BCKDHA: variants seen among roughly 807,000 people sequenced by gnomAD.
BCKDHA encodes the protein 2-oxoisovalerate dehydrogenase subunit alpha, mitochondrial.
A neutral mutation model predicts 52.2 loss-of-function variants in BCKDHA; 43 were observed. That is an observed-to-expected ratio of 0.82 (90% CI 0.64 to 1.06). The LOEUF is 1.06. Ranked by LOEUF, BCKDHA falls within the 50% of genes least tolerant of loss-of-function variation. The pLI, the probability that BCKDHA is intolerant of heterozygous loss-of-function variation, is 0.00. For missense variants in BCKDHA, 527 were observed against 621.3 expected, an observed-to-expected ratio of 0.85 and a Z score of 1.61; for synonymous variants, 234 against 247.9, an observed-to-expected ratio of 0.94 and a Z score of 0.53.
intron 1 of BCKDHA, among the ~76,000 whole-genome samples, chr19:41,407,010 G>A (rs2039200633): frequency 6.6e-6 from 1 of 152,136 alleles, no homozygotes; most frequent in African/African-American, 2.4e-5. Flanking sequence ...TTACAGGCAT[G>A]AGCCGCTGCA....
intron 1 of BCKDHA, among the ~76,000 whole-genome samples, chr19:41,404,586 G>C (rs946763124): frequency 1.3e-5 from 2 of 150,414 alleles, no homozygotes; most frequent in South Asian, 4.2e-4. Flanking sequence ...ACCACGCCCA[G>C]CCTAATTTTA....
Position 41,424,709 on chromosome 19 carries a change from G to A in BCKDHA, c.*101G>A. ...TGACAGCACACCACTGTCTTCCCCA[G>A]TCAGCTCCCTCTAAAATACTCAGCG... On this transcript the variant is annotated 3_prime_UTR_variant, in exon 9 of 9. Transcript: ENST00000269980. The A allele has an allele frequency of 1.5e-6, 2 of 1,339,318 alleles. No homozygotes were observed. The highest frequency in any genetic ancestry group is 2.8e-5 in the South Asian group (2 of 70,258). 83.0% of individuals were successfully genotyped at this position (1,339,318 alleles called of 1,614,324 possible).
At chr19:41,409,044 G>GTTC (rs1181719721) in intron 1 of BCKDHA, among the ~76,000 whole-genome samples, 2 of 152,148 alleles carry the variant, frequency 1.3e-5, no homozygotes, top group East Asian at 3.9e-4. Context: ...CCGCTTCCCG[G>GTTC]ATTCAAGTGA....
Position 41,410,644 on chromosome 19 carries a change from C to A in BCKDHA, c.116C>A (p.Pro39His), listed in dbSNP as rs11549936. Residue 39 changes from proline (P) to histidine (H), a missense_variant, in exon 2 of 9, where the codon CCC (proline) becomes CAC (histidine). Coordinates refer to ENST00000269980, the MANE Select transcript of BCKDHA (RefSeq NM_000709.4). ...CTCTGCTCTCTTCCCCAGCACCCCCCCAGGCAGCAGCAGCAGTTTTCATCT... is the reference window on the plus strand; with the variant it reads ...CTCTGCTCTCTTCCCCAGCACCCCCACAGGCAGCAGCAGCAGTTTTCATCT... ...GARGLARSHP[P>H]RQQQQFSSLD... 0.12 allele frequency: 196,788 copies of A among 1,614,072 alleles called. 13,304 individuals are homozygous for A. The highest frequency in any genetic ancestry group is 0.14 in the Non-Finnish European group (163,462 of 1,179,978).
intron 4 of BCKDHA, among the ~76,000 whole-genome samples, chr19:41,415,047 G>C (rs981560497): frequency 9.2e-5 from 14 of 152,278 alleles, no homozygotes; most frequent in African/African-American, 3.1e-4. Flanking sequence ...CATGATCGGG[G>C]ACTCGCCCTG....
chr19:41,424,531 C>T lies in BCKDHA; in HGVS notation c.1261C>T (p.Arg421Cys), dbSNP rs757725146. 4.9e-5 allele frequency: 79 copies of T among 1,614,036 alleles called. No homozygotes were observed. Among genetic ancestry groups the T allele is most frequent in the African/African-American group, 1.7e-4 (13 of 74,922 alleles). The change falls in exon 9 of 9, where the codon CGC becomes TGC. Residue 421 changes from arginine (R) to cysteine (C), a missense_variant. Physicochemically the swap from Arg to Cys is radical, Grantham distance 180. Transcript: ENST00000269980. ...GTATCAGGAGATGCCCGCCCAGCTC[C>T]GCAAGCAGCAGGAGTCTCTGGCCCG... The part of the protein sequence containing the change: ...DVYQEMPAQL[R>C]KQQESLARHL...
chr19:41,406,684 C>G (rs2039196858), intron 1 of BCKDHA, among the ~76,000 whole-genome samples: 1 of 152,150 alleles, frequency 6.6e-6, no homozygotes, highest in African/African-American at 2.4e-5. Context: ...ATTCTCCTGC[C>G]TCAGCCTCCC....
chr19:41,423,928 ACTTGCAGTGAT>A (rs1449168346), intron 8 of BCKDHA, among the ~76,000 whole-genome samples: 2 of 151,456 alleles, frequency 1.3e-5, no homozygotes, highest in Non-Finnish European at 3.0e-5. Flanking sequence ...GGGAGGTGGA[ACTTGCAGTGAT>A]TGGAGATGGC....
At position 41,422,197 on chromosome 19, in the gene BCKDHA, A is replaced by G. The variant is rs914547611; in HGVS notation, c.680A>G (p.Asn227Ser). ...GCGGCGTACGCAGCCAAGCGGGCCAATGCCAACAGGGTCGTCATCTGTTAC... is the reference window on the plus strand; with the variant it reads ...GCGGCGTACGCAGCCAAGCGGGCCAGTGCCAACAGGGTCGTCATCTGTTAC... ...VGAAYAAKRA[N>S]ANRVVICYFG... The change falls in exon 6 of 9, where the codon AAT (asparagine) becomes AGT (serine). Residue 227 changes from asparagine (N) to serine (S), a missense_variant. Physicochemically the swap from Asn to Ser is conservative, Grantham distance 46. Transcript: ENST00000269980. The G allele has an allele frequency of 3.7e-6, 6 of 1,613,960 alleles. No individual in the cohort carries two copies. The Admixed American group carries it at 5.0e-5, about 13-fold the overall frequency.
intron 4 of BCKDHA, among the ~76,000 whole-genome samples, chr19:41,417,043 A>G (rs2039313854): frequency 6.6e-6 from 1 of 151,934 alleles, no homozygotes. Context: ...ACGGGGTCTT[A>G]CTCTGTCACC....
At chr19:41,402,757 C>T (rs2039151040) in intron 1 of BCKDHA, among the ~76,000 whole-genome samples, 1 of 152,164 alleles carries the variant, frequency 6.6e-6, no homozygotes, top group African/African-American at 2.4e-5. Context: ...TGTCCTGCCT[C>T]CCCCTCTCGA....
At chr19:41,418,501 G>A (rs2039329811) in intron 4 of BCKDHA, among the ~76,000 whole-genome samples, 1 of 151,746 alleles carries the variant, frequency 6.6e-6, no homozygotes, top group African/African-American at 2.4e-5. Flanking sequence ...TTGTAAATTA[G>A]TGGTCTATGC....
chr19:41,406,531 A>G (rs917817731), intron 1 of BCKDHA, among the ~76,000 whole-genome samples: 10 of 150,364 alleles, frequency 6.7e-5, no homozygotes, highest in African/African-American at 9.8e-5. Flanking sequence ...CCGCAACTCC[A>G]GTATCTGGAC....
chr19:41,406,782 C>T (rs2039197948), intron 1 of BCKDHA, among the ~76,000 whole-genome samples: 1 of 152,160 alleles, frequency 6.6e-6, no homozygotes. Flanking sequence ...GTTGGCCAGG[C>T]TGGTCTTGAA....
intron 4 of BCKDHA, among the ~76,000 whole-genome samples, chr19:41,416,358 C>A (rs2039308083): frequency 2.6e-5 from 4 of 152,204 alleles, no homozygotes; most frequent in Admixed American, 6.5e-5. Flanking sequence ...GTGGTGTTGC[C>A]TCATTGAGGC....
At chr19:41,417,118 C>T (rs530434489) in intron 4 of BCKDHA, among the ~76,000 whole-genome samples, 22 of 152,104 alleles carry the variant, frequency 1.4e-4, no homozygotes, top group Non-Finnish European at 2.1e-4. Flanking sequence ...ATCAAGTGAT[C>T]CTCCCACCTC....
At chr19:41,406,187 G>C (rs2241710) in intron 1 of BCKDHA, among the ~76,000 whole-genome samples, 99,950 of 151,984 alleles carry the variant, frequency 0.66, 33,965 homozygotes, top group African/African-American at 0.83. Flanking sequence ...AGACCCAGCT[G>C]CAGTATGTGG....
At chr19:41,404,082 C>T (rs1288428321) in intron 1 of BCKDHA, among the ~76,000 whole-genome samples, 2 of 152,014 alleles carry the variant, frequency 1.3e-5, no homozygotes, top group South Asian at 2.1e-4. Flanking sequence ...TCGGCTCAAG[C>T]GATTCTCGTG....
intron 3 of BCKDHA, among the ~76,000 whole-genome samples, chr19:41,412,149 G>A (rs4803464): frequency 0.26 from 39,147 of 151,844 alleles, 6,428 homozygotes; most frequent in Non-Finnish European, 0.36. Flanking sequence ...GCTTGTCAGA[G>A]CCCTGCTTGG....
Sources: gnomAD v4.1 joint callset for allele counts (sites outside exome capture counted in the v4.1 genomes callset) on GRCh38, gnomAD v4.1.1 for gene constraint, MANE v1.5 for transcripts, NCBI Gene and HGNC (gene_info 2026-07-23, HGNC 2026-07-21) for gene names.